The following PTPRD variants were observed in gnomAD, a reference collection of about 807,000 sequenced individuals.
PTPRD encodes the protein receptor-type tyrosine-protein phosphatase delta.
A neutral mutation model predicts 214.5 loss-of-function variants in PTPRD; 34 were observed. The ratio of observed to expected loss-of-function variants is 0.16; its 90% confidence interval spans 0.12 to 0.21. PTPRD has a LOEUF of 0.21. Among genes scored for constraint, PTPRD ranks in the 10% least tolerant of loss-of-function variants. PTPRD has a pLI of 1.00. For missense variants in PTPRD, 2,545 were observed against 2,398.7 expected, an observed-to-expected ratio of 1.06 and a Z score of -1.27; for synonymous variants, 1,128 against 845.7, an observed-to-expected ratio of 1.33 and a Z score of -5.79.
intron 23 of PTPRD, among the ~76,000 whole-genome samples, chr9:8,501,295 G>A (rs1439675327): frequency 1.3e-5 from 2 of 152,074 alleles, no homozygotes; most frequent in African/African-American, 4.8e-5. Context: ...TGGGTAGGGG[G>A]AATATGTGAA....
At chr9:10,120,146 C>T (rs1411941971) in intron 3 of PTPRD, among the ~76,000 whole-genome samples, 3 of 152,014 alleles carry the variant, frequency 2.0e-5, no homozygotes, top group African/African-American at 4.8e-5. Flanking sequence ...GAATTTTACA[C>T]TTCATAATAA....
Position 8,934,419 on chromosome 9 carries a change from GTGTA to G in PTPRD, c.-104+84274_-104+84277del, listed in dbSNP as rs1338814206. On this transcript the variant is annotated intron_variant, in intron 11 of 45. Coordinates refer to ENST00000381196, the MANE Select transcript of PTPRD (RefSeq NM_002839.4). ...TGTGTGTGTGTGTGTGTGTGTGTGT[GTGTA>G]TATATATATATAAATATATATATAA... Among the ~76,000 whole-genome samples, 119 of 31,360 alleles carry G rather than the reference GTGTA, an allele frequency of 3.8e-3. 3 individuals carry two copies. The highest frequency in any genetic ancestry group is 8.9e-3 in the African/African-American group (52 of 5,834). The allele number at this position is 31,360 out of a possible 152,430, so 20.6% of individuals were successfully genotyped here. A position where few individuals can be genotyped will look rare whatever the true frequency, so the allele number is the denominator to read the frequency against.
At chr9:8,468,228 G>T (rs1406506342) in intron 31 of PTPRD, among the ~76,000 whole-genome samples, 2 of 151,950 alleles carry the variant, frequency 1.3e-5, no homozygotes, top group Non-Finnish European at 2.9e-5. Flanking sequence ...ATCTCTGCAG[G>T]ATGCTTCCTG....
At chr9:9,535,267 T>C (rs1396418156) in intron 8 of PTPRD, among the ~76,000 whole-genome samples, 1 of 152,114 alleles carries the variant, frequency 6.6e-6, no homozygotes. Flanking sequence ...TCTAGCTTTA[T>C]TTGCTTTTAG....
At chr9:9,787,258 C>T (rs927074649) in intron 5 of PTPRD, among the ~76,000 whole-genome samples, 1 of 151,186 alleles carries the variant, frequency 6.6e-6, no homozygotes, top group African/African-American at 2.4e-5. Context: ...AACAGTGACA[C>T]TCTCAGTAGT....
intron 3 of PTPRD, among the ~76,000 whole-genome samples, chr9:10,191,019 T>G (rs899507179): frequency 6.6e-6 from 1 of 152,100 alleles, no homozygotes; most frequent in Non-Finnish European, 1.5e-5. Context: ...ATTGGACCAC[T>G]TCACTAATAA....
chr9:10,177,753 C>G (rs2099258045), intron 3 of PTPRD, among the ~76,000 whole-genome samples: 1 of 151,838 alleles, frequency 6.6e-6, no homozygotes, highest in South Asian at 2.1e-4. Flanking sequence ...ATTATTCTTT[C>G]TTCTCTTAGC....
chr9:9,394,778 G>A (rs1243570893), intron 9 of PTPRD, among the ~76,000 whole-genome samples: 1 of 152,014 alleles, frequency 6.6e-6, no homozygotes, highest in Non-Finnish European at 1.5e-5. Flanking sequence ...ATGGTGTTGT[G>A]TGGTCTAAAA....
At chr9:9,015,993 G>A (rs184741305) in intron 11 of PTPRD, among the ~76,000 whole-genome samples, 1 of 152,054 alleles carries the variant, frequency 6.6e-6, no homozygotes, top group Admixed American at 6.6e-5. Flanking sequence ...GAAGAATTGG[G>A]CCTTAAAGCA....
intron 11 of PTPRD, among the ~76,000 whole-genome samples, chr9:8,771,431 C>T (rs1363380136): frequency 1.3e-5 from 2 of 152,092 alleles, no homozygotes; most frequent in Non-Finnish European, 2.9e-5. Flanking sequence ...AACAGTAGTG[C>T]TTTGTGTGTC....
At chr9:9,470,233 T>C (rs1032917301) in intron 8 of PTPRD, among the ~76,000 whole-genome samples, 4 of 152,178 alleles carry the variant, frequency 2.6e-5, no homozygotes, top group Admixed American at 2.0e-4. Context: ...TCTAGGATTT[T>C]CTCTCTTTAT....
chr9:8,337,024 G>A (rs1847623990), intron 43 of PTPRD, among the ~76,000 whole-genome samples: 1 of 152,146 alleles, frequency 6.6e-6, no homozygotes, highest in African/African-American at 2.4e-5. Context: ...TTAAACCACT[G>A]TGGAAGACAG....
intron 11 of PTPRD, among the ~76,000 whole-genome samples, chr9:8,837,746 C>T (rs2097464479): frequency 6.6e-6 from 1 of 152,154 alleles, no homozygotes; most frequent in African/African-American, 2.4e-5. Context: ...AAGTGATTCT[C>T]CTGTCTCAGC....
At position 8,493,761 on chromosome 9, in the gene PTPRD, A is replaced by C. The variant is rs1268042707; in HGVS notation, c.2350-782T>G. On this transcript the variant is annotated intron_variant, in intron 26 of 45. Coordinates refer to ENST00000381196, the MANE Select transcript of PTPRD (RefSeq NM_002839.4). ...GCTCAATTTATTTTGACTTTCTAAAAATTGTTAAATATCACATACTATTTA... is the reference window on the plus strand; with the variant it reads ...GCTCAATTTATTTTGACTTTCTAAACATTGTTAAATATCACATACTATTTA... Among the ~76,000 whole-genome samples the C allele has an allele frequency of 2.0e-5, 3 of 152,174 alleles. No homozygotes were observed. In the East Asian group the frequency reaches 5.8e-4, roughly 29 times the overall value.
At chr9:10,465,671 C>T (rs950821021) in intron 2 of PTPRD, among the ~76,000 whole-genome samples, 1 of 152,094 alleles carries the variant, frequency 6.6e-6, no homozygotes. Flanking sequence ...GCTACAATTC[C>T]CTACAGTACT....
intron 3 of PTPRD, among the ~76,000 whole-genome samples, chr9:10,041,248 G>C (rs1465296931): frequency 1.3e-5 from 2 of 151,844 alleles, no homozygotes; most frequent in Non-Finnish European, 2.9e-5. Context: ...TGTATATTGA[G>C]GTAGTTTGAA....
At chr9:8,697,936 A>T (rs144059226) in intron 12 of PTPRD, among the ~76,000 whole-genome samples, 1 of 152,302 alleles carries the variant, frequency 6.6e-6, no homozygotes, top group East Asian at 1.9e-4. Context: ...CATAGTGCAG[A>T]AACAACTTAA....
At chr9:8,435,391 A>G (rs1181007669) in intron 35 of PTPRD, among the ~76,000 whole-genome samples, 1 of 152,138 alleles carries the variant, frequency 6.6e-6, no homozygotes, top group Non-Finnish European at 1.5e-5. Context: ...AACTGCCCCA[A>G]TTAAGGCTGA....
At chr9:8,682,007 A>AT (rs1427488342) in intron 12 of PTPRD, among the ~76,000 whole-genome samples, 2 of 152,042 alleles carry the variant, frequency 1.3e-5, no homozygotes, top group Non-Finnish European at 2.9e-5. Flanking sequence ...ACATGCAAGG[A>AT]TTTTTTTTAA....
Sources: gnomAD v4.1 joint callset for allele counts (sites outside exome capture counted in the v4.1 genomes callset) on GRCh38, gnomAD v4.1.1 for gene constraint, MANE v1.5 for transcripts, NCBI Gene and HGNC (gene_info 2026-07-23, HGNC 2026-07-21) for gene names.